The following WDR47 variants were observed in gnomAD, a reference collection of about 807,000 sequenced individuals.
WDR47 encodes the protein WD repeat-containing protein 47.
A neutral mutation model predicts 97.2 loss-of-function variants in WDR47; 32 were observed. The ratio of observed to expected loss-of-function variants is 0.33; its 90% confidence interval spans 0.25 to 0.44. The LOEUF is 0.44. Among genes scored for constraint, WDR47 ranks in the 20% least tolerant of loss-of-function variants. The pLI, the probability that WDR47 is intolerant of heterozygous loss-of-function variation, is 1.00. For synonymous variants in WDR47, 375 were observed against 373.5 expected (o/e 1.00, Z -0.05); for missense variants, 782 against 1,102.3 (o/e 0.71, Z 4.11).
Position 109,023,486 on chromosome 1 carries a change from T to A in WDR47, c.27A>T (p.Val9=). The part of the protein sequence containing the change: MTAEETVN[V]KEVEIIKLIL... The stretch of plus-strand genomic sequence containing the variant: ...TTAGCTTAATGATTTCAACCTCTTT[T>A]ACATTCACTGTTTCTTCAGCCGTCA... Residue 9 remains valine (V), a synonymous_variant, in exon 2 of 15, where the codon GTA becomes GTT. Coordinates refer to ENST00000369962, the MANE Select transcript of WDR47 (RefSeq NM_001142551.2). 3 of 1,613,434 alleles carry A rather than the reference T, an allele frequency of 1.9e-6. No homozygotes were observed. The highest frequency in any genetic ancestry group is 2.5e-6 in the Non-Finnish European group (3 of 1,179,608).
At chr1:109,003,322 T>C (rs962856097) in intron 6 of WDR47, among the ~76,000 whole-genome samples, 2 of 152,212 alleles carry the variant, frequency 1.3e-5, no homozygotes, top group Non-Finnish European at 2.9e-5. Context: ...ATTTTAAAGC[T>C]CTGTTGTTTG....
intron 9 of WDR47, among the ~76,000 whole-genome samples, chr1:108,988,812 C>T (rs576796363): frequency 6.6e-6 from 1 of 151,720 alleles, no homozygotes; most frequent in Admixed American, 6.6e-5. Flanking sequence ...GGCTGGAGTG[C>T]GGTGGCGCAA....
rs566435179 is a variant in WDR47, at chr1:108,995,676, G to T, written c.1595C>A (p.Thr532Lys). 12 of 1,614,130 alleles carry T rather than the reference G, an allele frequency of 7.4e-6. No homozygotes were observed. The highest frequency in any genetic ancestry group is 1.7e-5 in the Admixed American group (1 of 60,004). The stretch of plus-strand genomic sequence containing the variant: ...TGTATGAATATTTGAAGCATCATGT[G>T]TTAATCTCTGACTAGAGTCTTGGGG... ...TPPQDSSQRL[T>K]HDASNIHTST... Residue 532 changes from threonine to lysine, a missense_variant, in exon 8 of 15, where the codon ACA becomes AAA. By Grantham distance (78) the Thr-to-Lys change is moderately conservative. Coordinates refer to ENST00000369962, the MANE Select transcript of WDR47 (RefSeq NM_001142551.2).
intron 1 of WDR47, among the ~76,000 whole-genome samples, chr1:109,034,858 A>G (rs1306190412): frequency 6.6e-6 from 1 of 152,216 alleles, no homozygotes; most frequent in Non-Finnish European, 1.5e-5. Context: ...AGTGCATCAC[A>G]GAATAGTACA....
intron 13 of WDR47, among the ~76,000 whole-genome samples, chr1:108,974,961 T>C (rs17031647): frequency 0.11 from 16,518 of 152,168 alleles, 1,057 homozygotes; most frequent in African/African-American, 0.16. Context: ...TTGTAAGAAA[T>C]GAGAAAGTCC....
At position 109,036,619 on chromosome 1, in the gene WDR47, G is replaced by A. The variant is rs956215003; in HGVS notation, c.-10+5243C>T. Among the ~76,000 whole-genome samples, 24 of 150,216 alleles carry A rather than the reference G, an allele frequency of 1.6e-4. 1 individual carries two copies. The highest frequency in any genetic ancestry group is 3.0e-5 in the Non-Finnish European group (2 of 67,746). On this transcript the variant is annotated intron_variant, in intron 1 of 14. Coordinates refer to ENST00000369962, the MANE Select transcript of WDR47 (RefSeq NM_001142551.2). ...TGGAAGGCCGAGGCAAGCGGATCAC[G>A]GGGTCAGCAGATCGAGACCATCCTG...
intron 8 of WDR47, among the ~76,000 whole-genome samples, chr1:108,994,429 T>C (rs1446003749): frequency 2.0e-5 from 3 of 152,132 alleles, no homozygotes; most frequent in East Asian, 3.9e-4. Flanking sequence ...AATAGAAGTA[T>C]GTTTTTCAGA....
At chr1:109,030,386 TAAA>T in intron 1 of WDR47, 1 of 418,564 alleles carries the variant, frequency 2.4e-6, no homozygotes, top group Non-Finnish European at 4.1e-6. Context: ...AAATAAAAAA[TAAA>T]ATAAAATAAA....
At position 108,979,182 on chromosome 1, in the gene WDR47, G is replaced by A. The variant is rs557134502; in HGVS notation, c.2398+2551C>T. Among the ~76,000 whole-genome samples, 322 of 152,198 alleles carry A rather than the reference G, an allele frequency of 2.1e-3. 1 individual carries two copies. Among genetic ancestry groups the A allele is most frequent in the African/African-American group, 7.4e-3 (308 of 41,528 alleles). Reference sequence around the variant, plus strand: ...AAGTGGCCTGAAAATAATGTAGAAAGCTAGAGTTTAAAAATAAATTAGTGG... The same window carrying A: ...AAGTGGCCTGAAAATAATGTAGAAAACTAGAGTTTAAAAATAAATTAGTGG... On this transcript the variant is annotated intron_variant, in intron 13 of 14. Coordinates refer to ENST00000369962, the MANE Select transcript of WDR47 (RefSeq NM_001142551.2).
At chr1:108,978,281 C>T (rs1030004928) in intron 13 of WDR47, among the ~76,000 whole-genome samples, 10 of 151,774 alleles carry the variant, frequency 6.6e-5, no homozygotes, top group Admixed American at 5.2e-4. Flanking sequence ...CGAGACCATC[C>T]TGGCTAACAT....
rs368426792 is a variant in WDR47 at position 108,983,380 on chromosome 1, C to G, written c.1997G>C (p.Cys666Ser). The G allele has an allele frequency of 1.9e-6, 3 of 1,612,914 alleles. No homozygotes were observed. In the African/African-American group the frequency reaches 4.0e-5, roughly 22 times the overall value. Reference sequence around the variant, plus strand: ...CTGCCCACAAGGACTCCAGGCCACACAGTAAATGGATCCTTTATGATGTTT... The same window carrying G: ...CTGCCCACAAGGACTCCAGGCCACAGAGTAAATGGATCCTTTATGATGTTT... ...RNKHHKGSIY[C>S]VAWSPCGQLL... is the part of the protein sequence containing the mutation. Residue 666 changes from cysteine to serine, a missense_variant, in exon 11 of 15, where the codon TGT becomes TCT. Cys to Ser is a moderately radical substitution (Grantham distance 112). Around this residue, in one of 3 missense-constraint regions of WDR47, gnomAD observed 228 missense variants for 396.7 expected, o/e 0.57. Transcript: ENST00000369962.
intron 2 of WDR47, among the ~76,000 whole-genome samples, 176 bp from the exon 3 acceptor site, chr1:109,017,777 C>T (rs1377597730): frequency 1.3e-5 from 2 of 149,558 alleles, no homozygotes; most frequent in Admixed American, 6.7e-5. Flanking sequence ...GACAGAGTGT[C>T]GCTCTGTTGC....
intron 10 of WDR47, among the ~76,000 whole-genome samples, chr1:108,986,121 T>C (rs1441727769): frequency 1.3e-5 from 2 of 152,066 alleles, no homozygotes; most frequent in Non-Finnish European, 2.9e-5. Context: ...TGTGTATGAA[T>C]AGGAAAAAAC....
At chr1:108,995,382 T>C (rs1416514954) in intron 8 of WDR47, among the ~76,000 whole-genome samples, 198 bp downstream of exon 8, 2 of 151,366 alleles carry the variant, frequency 1.3e-5, no homozygotes, top group Non-Finnish European at 2.9e-5. Context: ...AAAAGAAAAA[T>C]AGAAGGAAAA....
chr1:109,003,705 A>G (rs1200987287), intron 6 of WDR47, among the ~76,000 whole-genome samples: 1 of 152,090 alleles, frequency 6.6e-6, no homozygotes, highest in Non-Finnish European at 1.5e-5. Context: ...GGGTTTCACC[A>G]TGTTGCCTAG....
rs1343277366 is a variant in WDR47 at position 109,014,240 on chromosome 1, A to T, written c.243-315T>A. 2.6e-5 allele frequency among the ~76,000 whole-genome samples: 4 copies of T among 152,150 alleles called. No homozygotes were observed. In the East Asian group the frequency reaches 7.7e-4, roughly 29 times the overall value. Reference sequence around the variant, plus strand: ...TTACATCCTGTTTTTTATTAAAAAAATTTTAACAAATAATAGTATATATTT... The same window carrying T: ...TTACATCCTGTTTTTTATTAAAAAATTTTTAACAAATAATAGTATATATTT... On this transcript the variant is annotated intron_variant, in intron 3 of 14. Coordinates refer to ENST00000369962, the MANE Select transcript of WDR47 (RefSeq NM_001142551.2).
chr1:109,023,389 T>G lies in WDR47; in HGVS notation c.124A>C (p.Asn42His), dbSNP rs557108488. 1 of 1,613,742 alleles carries G rather than the reference T, an allele frequency of 6.2e-7. No homozygotes were observed. Reference protein sequence around the residue: ...LALEKESGVINGLFSDDMLFL... With the variant: ...LALEKESGVIHGLFSDDMLFL... ...AGCATATCATCTGAAAACAGGCCAT[T>G]TATGACTCCACTTTCCTTCTCCAGG... Residue 42 changes from asparagine (N) to histidine (H), a missense_variant, in exon 2 of 15, where the codon AAT becomes CAT. Physicochemically the swap from Asn to His is moderately conservative, Grantham distance 68. This residue lies in a region of WDR47 where 428 missense variants were observed against 584.3 expected (regional missense o/e 0.73). Transcript: ENST00000369962.
intron 7 of WDR47, among the ~76,000 whole-genome samples, chr1:109,001,650 G>A (rs997488081): frequency 9.2e-5 from 14 of 152,164 alleles, no homozygotes; most frequent in African/African-American, 3.1e-4. Context: ...TGCACTTTGG[G>A]AGGTCAAGGT....
intron 7 of WDR47, among the ~76,000 whole-genome samples, chr1:109,000,930 T>C (rs1660137281): frequency 6.6e-6 from 1 of 152,222 alleles, no homozygotes; most frequent in Admixed American, 6.5e-5. Flanking sequence ...CACATTTGCA[T>C]ATATTAATTC....
Sources: allele counts gnomAD v4.1 joint callset (sites outside exome capture counted in the v4.1 genomes callset), GRCh38; gene constraint gnomAD v4.1.1; regional missense constraint gnomAD v4.1.1; transcripts MANE v1.5; gene names NCBI Gene and HGNC (gene_info 2026-07-23, HGNC 2026-07-21).